WDR59: variants seen among roughly 807,000 people sequenced by gnomAD.
The protein encoded by WDR59 is WD repeat domain 59.
In WDR59, 100 loss-of-function variants were observed where a neutral mutation model predicts 131.2. That is an observed-to-expected ratio of 0.76 (90% CI 0.65 to 0.90). WDR59 has a LOEUF of 0.90. WDR59 is among the 40% of genes least tolerant of loss of function. WDR59 has a pLI of 0.00. For synonymous variants in WDR59, 601 were observed against 466.2 expected (o/e 1.29, Z -3.72); for missense variants, 1,203 against 1,262.2 (o/e 0.95, Z 0.71).
intron 10 of WDR59, among the ~76,000 whole-genome samples, chr16:74,921,353 A>T (rs2030207180): frequency 6.6e-6 from 1 of 152,212 alleles, no homozygotes; most frequent in Admixed American, 6.5e-5. Context: ...GCTACTGGCC[A>T]GGCAGTTCCA....
At chr16:74,922,943 T>A (rs1366408181) in intron 9 of WDR59, among the ~76,000 whole-genome samples, 1 of 152,176 alleles carries the variant, frequency 6.6e-6, no homozygotes, top group Non-Finnish European at 1.5e-5. Flanking sequence ...GCTTTATCCA[T>A]CCCTGTGCTA....
rs373845042 is a variant in WDR59, at chr16:74,876,804, C to T, written c.2690-2360G>A. 3.2e-4 allele frequency among the ~76,000 whole-genome samples: 49 copies of T among 152,192 alleles called. 2 individuals are homozygous for T. The South Asian group carries it at 5.8e-3, about 18-fold the overall frequency. On this transcript the variant is annotated intron_variant, in intron 25 of 25. Coordinates refer to ENST00000262144, the MANE Select transcript of WDR59 (RefSeq NM_030581.4). ...CGATTGAGAAGGATAGGCAGATGCC[C>T]GTGGGCCTTGCTGGTGCGTGCTTCC...
chr16:74,923,586 T>C (rs1394494236), intron 9 of WDR59, among the ~76,000 whole-genome samples: 2 of 152,172 alleles, frequency 1.3e-5, no homozygotes, highest in Non-Finnish European at 2.9e-5. Flanking sequence ...CAAGCGATTC[T>C]CCTGCCTCAG....
rs151175039 is a variant in WDR59, at chr16:74,939,466, C to A, written c.535-1200G>T. Reference sequence around the variant, plus strand: ...AAAATTATACTTAGAGCTTATAGTACGAGGATAATGCATCTGTTCTAATGT... The same window carrying A: ...AAAATTATACTTAGAGCTTATAGTAAGAGGATAATGCATCTGTTCTAATGT... On this transcript the variant is annotated intron_variant, in intron 7 of 25. Transcript: ENST00000262144. Among the ~76,000 whole-genome samples, 101 of 150,804 alleles carry A rather than the reference C, an allele frequency of 6.7e-4. 2 individuals are homozygous for A. The East Asian group carries it at 0.018, about 27-fold the overall frequency.
chr16:74,922,590 A>C (rs2030354153), intron 9 of WDR59, among the ~76,000 whole-genome samples: 1 of 152,202 alleles, frequency 6.6e-6, no homozygotes. Flanking sequence ...GCAACTGCTC[A>C]AAGGAAAACT....
At chr16:74,883,269 C>T (rs577340342) in intron 25 of WDR59, among the ~76,000 whole-genome samples, 2 of 152,120 alleles carry the variant, frequency 1.3e-5, no homozygotes, top group Non-Finnish European at 2.9e-5. Context: ...ATGATCCATC[C>T]ACCTCAGCCT....
intron 8 of WDR59, among the ~76,000 whole-genome samples, chr16:74,932,034 T>C (rs2031434588): frequency 6.6e-6 from 1 of 151,260 alleles, no homozygotes; most frequent in Admixed American, 6.6e-5. Context: ...TATTAATGAA[T>C]AACCTTTGAA....
In WDR59 at chr16:74,948,565, T is replaced by C. The variant is rs375043442; in HGVS notation, c.408-9A>G. On this transcript the variant is annotated splice_polypyrimidine_tract_variant and intron_variant, in intron 5 of 25. Coordinates refer to ENST00000262144, the MANE Select transcript of WDR59 (RefSeq NM_030581.4). Reference sequence around the variant, plus strand: ...TAGGTTTCCTTGTGTCTCTGAAATATAAAAATAAAAAATCAAATCCCCAAT... The same window carrying C: ...TAGGTTTCCTTGTGTCTCTGAAATACAAAAATAAAAAATCAAATCCCCAAT... The C allele has an allele frequency of 2.5e-5, 41 of 1,611,638 alleles. No individual in the cohort carries two copies. Among genetic ancestry groups the C allele is most frequent in the African/African-American group, 2.4e-4 (18 of 74,850 alleles).
intron 23 of WDR59, among the ~76,000 whole-genome samples, chr16:74,887,204 T>C (rs1964810630): frequency 6.6e-6 from 1 of 152,214 alleles, no homozygotes; most frequent in African/African-American, 2.4e-5. Context: ...GGGCATGAGC[T>C]ACTTTTGATA....
At chr16:74,980,406 G>C (rs992711211) in intron 1 of WDR59, among the ~76,000 whole-genome samples, 3 of 139,104 alleles carry the variant, frequency 2.2e-5, no homozygotes, top group Non-Finnish European at 4.6e-5. Context: ...CCAGGCTGTA[G>C]TGCAACGGTG....
rs35006526 is a variant in WDR59 at position 74,909,969 on chromosome 16, G to GTTTTTT, written c.1390-58_1390-53dup. 6 of 941,598 alleles carry GTTTTTT rather than the reference G, an allele frequency of 6.4e-6. No homozygotes were observed. In the South Asian group the frequency reaches 7.8e-5, roughly 12 times the overall value. The allele number at this position is 941,598 out of a possible 1,614,324, so 58.3% of individuals were successfully genotyped here. On this transcript the variant is annotated intron_variant, in intron 14 of 25. Transcript: ENST00000262144. ...GAAGAGGAACACATTTCTCTGATAG[G>GTTTTTT]TTTTTTTTTTTTTTTTGAGACAAAG...
At position 74,915,931 on chromosome 16, in the gene WDR59, G is replaced by T; in HGVS notation, c.1163C>A (p.Pro388His). Residue 388 changes from proline (P) to histidine (H), a missense_variant, in exon 13 of 26, where the codon CCT becomes CAT. Transcript: ENST00000262144. The stretch of plus-strand genomic sequence containing the variant: ...GGAGAATTCCTGCTGCAAGGTCTGA[G>T]GCAGCCCCAGTTGATCTGATTTCCT... ...EERKSDQLGL[P>H]QTLQQEFSLI... is the part of the protein sequence containing the mutation. 6.2e-7 allele frequency: 1 copy of T among 1,614,194 alleles called. No homozygotes were observed.
rs754294150 is a variant in WDR59, at chr16:74,874,425, G to A, written c.2709C>T (p.Ser903=). 7 of 1,614,000 alleles carry A rather than the reference G, an allele frequency of 4.3e-6. No homozygotes were observed. Among genetic ancestry groups the A allele is most frequent in the South Asian group, 1.1e-5 (1 of 91,080 alleles). ...HKGIEFGVYC[S]HCRSEVRGTQ... ...TGCCACGGACCTCACTCCGGCAGTG[G>A]CTGCAGTACACGCCGAACTCTGGAA... Residue 903 remains serine, a synonymous_variant, in exon 26 of 26, where the codon AGC becomes AGT. Transcript: ENST00000262144.
intron 14 of WDR59, among the ~76,000 whole-genome samples, chr16:74,910,672 A>G (rs569809170): frequency 6.6e-6 from 1 of 152,338 alleles, no homozygotes; most frequent in East Asian, 1.9e-4. Flanking sequence ...AAAAGTATAA[A>G]TCCTAACACT....
At chr16:74,909,969 G>GTTTTTTTT in intron 14 of WDR59, 52 bp from the exon 15 acceptor site, 1 of 941,338 alleles carries the variant, frequency 1.1e-6, no homozygotes, top group Non-Finnish European at 1.5e-6. Flanking sequence ...TCTCTGATAG[G>GTTTTTTTT]TTTTTTTTTT....
chr16:74,951,486 TTG>T lies in WDR59; in HGVS notation c.296_297del (p.Thr99AsnfsTer18). 6.2e-7 allele frequency: 1 copy of T among 1,602,490 alleles called. No homozygotes were observed. The highest frequency in any genetic ancestry group is 8.5e-7 in the Non-Finnish European group (1 of 1,175,182). On this transcript the variant is annotated frameshift_variant, in exon 4 of 26. Coordinates refer to ENST00000262144, the MANE Select transcript of WDR59 (RefSeq NM_030581.4). LOFTEE classifies it high-confidence loss of function. ...KWKDGSGEVG[T>X]TLQGHTRVIS... ...ATGACACGAGTGTGGCCTTGTAAGGTTGTGCCAACTTCCCCACTGCCGTCTTT... is the reference window on the plus strand; with the variant it reads ...ATGACACGAGTGTGGCCTTGTAAGGTTGCCAACTTCCCCACTGCCGTCTTT...
chr16:74,938,590 G>A (rs969408754), intron 7 of WDR59, among the ~76,000 whole-genome samples: 1 of 152,154 alleles, frequency 6.6e-6, no homozygotes, highest in African/African-American at 2.4e-5. Context: ...AGGTTGGAGT[G>A]CAGTGGCACG....
chr16:74,889,889 G>C, intron 20 of WDR59, 74 bp from the exon 21 acceptor site: 1 of 1,141,660 alleles, frequency 8.8e-7, no homozygotes, highest in Non-Finnish European at 1.3e-6. Flanking sequence ...AATCCCACCT[G>C]TCTTCCATAT....
At chr16:74,885,871 A>G (rs1964731076) in intron 24 of WDR59, 76 bp from the exon 25 acceptor site, 18 of 1,537,762 alleles carry the variant, frequency 1.2e-5, no homozygotes, top group Non-Finnish European at 1.5e-5. Flanking sequence ...CACTTAATAT[A>G]CCCTTCTTAA....
Sources: allele counts gnomAD v4.1 joint callset (sites outside exome capture counted in the v4.1 genomes callset), GRCh38; gene constraint gnomAD v4.1.1; transcripts MANE v1.5; gene names NCBI Gene and HGNC (gene_info 2026-07-23, HGNC 2026-07-21).